The following SLC30A8 variants were observed in gnomAD, a reference collection of about 807,000 sequenced individuals.
The protein encoded by SLC30A8 is proton-coupled zinc antiporter SLC30A8.
SLC30A8 carries 27 observed loss-of-function variants against 36.9 expected under a neutral mutation model. The observed-to-expected ratio is 0.73, with a 90% CI of 0.54 to 1.01. SLC30A8 has a LOEUF of 1.01. SLC30A8 is among the 50% of genes least tolerant of loss of function. SLC30A8 has a pLI of 0.00. For missense variants in SLC30A8, 439 were observed against 452.0 expected, an observed-to-expected ratio of 0.97 and a Z score of 0.26; for synonymous variants, 164 against 172.4, an observed-to-expected ratio of 0.95 and a Z score of 0.38.
intron 1 of SLC30A8, among the ~76,000 whole-genome samples, chr8:116,992,510 G>GA (rs34400526): frequency 0.055 from 8,159 of 148,780 alleles, 722 homozygotes; most frequent in African/African-American, 0.19. Context: ...TAGAAGTTAA[G>GA]AAAAAAAAAA....
At chr8:116,970,722 C>A (rs935429169) in intron 1 of SLC30A8, among the ~76,000 whole-genome samples, 3 of 152,160 alleles carry the variant, frequency 2.0e-5, no homozygotes, top group African/African-American at 7.2e-5. Context: ...CCTACACACA[C>A]AAATATATAA....
intron 1 of SLC30A8, among the ~76,000 whole-genome samples, chr8:117,015,051 A>G (rs1816470941): frequency 6.6e-6 from 1 of 151,578 alleles, no homozygotes; most frequent in South Asian, 2.1e-4. Flanking sequence ...AGCTGAAACC[A>G]GAATTTGGGA....
chr8:117,170,584 T>C (rs1299779263), intron 6 of SLC30A8, among the ~76,000 whole-genome samples: 3 of 152,192 alleles, frequency 2.0e-5, no homozygotes, highest in African/African-American at 7.2e-5. Flanking sequence ...GTGATCTATG[T>C]GTTGTTCTTA....
chr8:117,057,346 A>AACAC (rs1449005023), intron 2 of SLC30A8, among the ~76,000 whole-genome samples: 20 of 152,210 alleles, frequency 1.3e-4, no homozygotes, highest in African/African-American at 4.8e-4. Context: ...CAATTGAATT[A>AACAC]ATGTATCCAT....
rs1823546502 is a variant in SLC30A8, at chr8:117,174,140, G to A, written c.*1459G>A. The A allele has an allele frequency of 6.6e-6, 1 of 152,076 alleles. No individual in the cohort carries two copies. Among genetic ancestry groups the A allele is most frequent in the African/African-American group, 2.4e-5 (1 of 41,410 alleles). The allele number at this position is 152,076 out of a possible 1,614,324, so 9.4% of individuals were successfully genotyped here. On this transcript the variant is annotated 3_prime_UTR_variant, in exon 8 of 8. Transcript: ENST00000456015. ...AACTACATACTTTTTGCAACTTTAT[G>A]GTTATGAGTATTGTAGAGAACAGGA...
intron 3 of SLC30A8, among the ~76,000 whole-genome samples, chr8:117,154,913 C>T (rs1822396901): frequency 1.3e-5 from 2 of 152,134 alleles, no homozygotes; most frequent in South Asian, 4.1e-4. Flanking sequence ...CTGTAATATA[C>T]AGTAAAATGT....
chr8:117,024,649 A>G (rs545235873), intron 1 of SLC30A8, among the ~76,000 whole-genome samples: 5 of 152,346 alleles, frequency 3.3e-5, no homozygotes, highest in Admixed American at 6.5e-5. Flanking sequence ...ATAGTTTTGA[A>G]CACTTCACTC....
intron 1 of SLC30A8, among the ~76,000 whole-genome samples, chr8:117,016,293 A>G (rs1040559700): frequency 1.3e-5 from 2 of 152,236 alleles, no homozygotes; most frequent in African/African-American, 2.4e-5. Flanking sequence ...CCAATGGATA[A>G]TAGAAGTCGA....
chr8:117,075,185 A>G (rs1023332995), intron 2 of SLC30A8, among the ~76,000 whole-genome samples: 1 of 152,140 alleles, frequency 6.6e-6, no homozygotes, highest in African/African-American at 2.4e-5. Flanking sequence ...ACGATCACAA[A>G]CATAGTAAAC....
In SLC30A8 at chr8:117,171,138, C is replaced by G. The variant is rs1823361115; in HGVS notation, c.934C>G (p.Gln312Glu). 1 of 1,613,384 alleles carries G rather than the reference C, an allele frequency of 6.2e-7. No individual in the cohort carries two copies. Among genetic ancestry groups the G allele is most frequent in the South Asian group, 1.1e-5 (1 of 91,068 alleles). ...SLHIWSLTMNQVILSAHVATA... is the reference protein window; with the variant it reads ...SLHIWSLTMNEVILSAHVATA... The stretch of plus-strand genomic sequence containing the variant: ...GCACATCTGGTCTCTAACAATGAAT[C>G]AAGTAATTCTCTCAGCTCATGTTGC... The change falls in exon 7 of 8, where the codon CAA becomes GAA. Residue 312 changes from glutamine to glutamate, a missense_variant. Physicochemically the swap from Gln to Glu is conservative, Grantham distance 29 (BLOSUM62 2). Transcript: ENST00000456015.
intron 1 of SLC30A8, among the ~76,000 whole-genome samples, chr8:116,952,965 T>A (rs1814047468): frequency 6.6e-6 from 1 of 151,970 alleles, no homozygotes; most frequent in Admixed American, 6.6e-5. Flanking sequence ...GCATGGTTAA[T>A]CTCAGCACCG....
intron 2 of SLC30A8, chr8:117,147,675 G>A (rs1821962418): frequency 6.5e-6 from 1 of 153,832 alleles, no homozygotes; most frequent in Non-Finnish European, 1.4e-5. Context: ...TTGGTTGAAG[G>A]ACATGAATAT....
At chr8:116,988,639 G>A (rs947687812) in intron 1 of SLC30A8, among the ~76,000 whole-genome samples, 11 of 151,990 alleles carry the variant, frequency 7.2e-5, no homozygotes, top group East Asian at 1.9e-4. Context: ...TATCTTATGC[G>A]TGTTTCTCTT....
intron 6 of SLC30A8, 105 bp downstream of exon 6, chr8:117,163,635 G>A: frequency 1.2e-6 from 1 of 823,436 alleles, no homozygotes. Flanking sequence ...TGAATTATGG[G>A]AAAAATTTAA....
intron 1 of SLC30A8, among the ~76,000 whole-genome samples, chr8:117,002,374 A>G (rs1422515990): frequency 6.6e-6 from 1 of 152,188 alleles, no homozygotes; most frequent in Admixed American, 6.5e-5. Flanking sequence ...CCTTAAGTTG[A>G]CATCCGAAAG....
chr8:117,026,504 A>G (rs1221184757), intron 1 of SLC30A8, among the ~76,000 whole-genome samples: 1 of 152,102 alleles, frequency 6.6e-6, no homozygotes, highest in African/African-American at 2.4e-5. Flanking sequence ...CCAGGAACTG[A>G]CCTCCCTCTC....
intron 1 of SLC30A8, among the ~76,000 whole-genome samples, chr8:116,974,198 TTAAAC>T (rs1380486468): frequency 6.6e-6 from 1 of 152,168 alleles, no homozygotes; most frequent in African/African-American, 2.4e-5. Flanking sequence ...TGGGATCTAA[TTAAAC>T]TAAAGAGCTT....
At chr8:117,142,613 TCTTTGGGCATTTGCTCCAGCAATGCC>T (rs1338441189) in intron 1 of SLC30A8, among the ~76,000 whole-genome samples, 1 of 152,154 alleles carries the variant, frequency 6.6e-6, no homozygotes, top group African/African-American at 2.4e-5. Context: ...ATCCTTCTTG[TCTTTGGGCATTTGCTCCAGCAATGCC>T]CTCTACTTGG....
chr8:117,085,433 T>C (rs1818838464), intron 2 of SLC30A8, among the ~76,000 whole-genome samples: 2 of 152,220 alleles, frequency 1.3e-5, no homozygotes, highest in Non-Finnish European at 2.9e-5. Flanking sequence ...TGTTGATGTC[T>C]ACACTAAATG....
Sources: gnomAD v4.1 joint callset for allele counts (sites outside exome capture counted in the v4.1 genomes callset) on GRCh38, gnomAD v4.1.1 for gene constraint, MANE v1.5 for transcripts, NCBI Gene and HGNC (gene_info 2026-07-23, HGNC 2026-07-21) for gene names.